RALGPS1: variants seen among roughly 807,000 people sequenced by gnomAD.
RALGPS1 encodes Ral GEF with PH domain and SH3 binding motif 1.
Under a neutral mutation model 78.8 loss-of-function variants are expected in RALGPS1, and 19 were observed. The ratio of observed to expected loss-of-function variants is 0.24; its 90% CI spans 0.17 to 0.35. The LOEUF (loss-of-function observed/expected upper bound fraction) is 0.35, where lower values mean the gene tolerates loss of function less well. RALGPS1 is among the 10% of genes least tolerant of loss of function. The pLI is 1.00. For missense variants in RALGPS1, 454 were observed against 688.3 expected, an observed-to-expected ratio of 0.66 and a Z score of 3.81; for synonymous variants, 228 against 256.3, an observed-to-expected ratio of 0.89 and a Z score of 1.06.
Position 127,219,258 on chromosome 9 carries a change from C to CGTGT in RALGPS1, c.*503_*506dup, listed in dbSNP as rs142327423. On this transcript the variant is annotated 3_prime_UTR_variant, in exon 19 of 19. Coordinates refer to ENST00000259351, the MANE Select transcript of RALGPS1 (RefSeq NM_014636.3). This position sits in a 1 kb window ranked among gnomAD's most constrained non-coding sequence, Gnocchi z 5.0. ...GCGTCCTCTGCGTGTGCGTGCTGTA[C>CGTGT]GTGTGTGTGTGTGTGTGAGCGAGTG... The CGTGT allele has an allele frequency of 2.7e-5, 5 of 186,464 alleles. No individual in the cohort carries two copies. The highest frequency in any genetic ancestry group is 1.1e-4 in the Admixed American group (2 of 18,238). The allele number at this position is 186,464 out of a possible 1,614,324, so 11.6% of individuals were successfully genotyped here. A position where few individuals can be genotyped will look rare whatever the true frequency, so the allele number is the denominator to read the frequency against.
chr9:127,108,316 A>G (rs2054445105), intron 8 of RALGPS1: 5 of 1,613,692 alleles, frequency 3.1e-6, no homozygotes, highest in East Asian at 2.2e-5. Flanking sequence ...CAGGAGCTGC[A>G]TGTAGAGCTG....
Position 127,219,971 on chromosome 9 carries a change from T to C in RALGPS1, c.*1202T>C, listed in dbSNP as rs1269413806. 1.3e-5 allele frequency: 2 copies of C among 152,560 alleles called. No individual in the cohort carries two copies. The highest frequency in any genetic ancestry group is 1.5e-5 in the Non-Finnish European group (1 of 68,036). The allele number at this position is 152,560 out of a possible 1,614,324, so 9.5% of individuals were successfully genotyped here. On this transcript the variant is annotated 3_prime_UTR_variant, in exon 19 of 19. Transcript: ENST00000259351. The surrounding 1 kb of genome is among the most constrained non-coding windows in gnomAD (Gnocchi z 5.0). ...GACAATAGAGCGAAGCCCCGGGGAG[T>C]GAACGGTCCAACCTCTGCATTCAGT...
intron 11 of RALGPS1, among the ~76,000 whole-genome samples, chr9:127,192,123 G>A (rs1456463347): frequency 6.6e-6 from 1 of 152,226 alleles, no homozygotes; most frequent in Non-Finnish European, 1.5e-5. Flanking sequence ...TTATGAAGCT[G>A]TGCTTGGGTT....
chr9:127,162,554 G>C (rs1310531331), intron 8 of RALGPS1, among the ~76,000 whole-genome samples: 1 of 152,138 alleles, frequency 6.6e-6, no homozygotes, highest in Non-Finnish European at 1.5e-5. Flanking sequence ...CTAGGCTCAA[G>C]GTCTCCCCAC....
chr9:126,972,976 C>T (rs557321719), intron 3 of RALGPS1, among the ~76,000 whole-genome samples: 14 of 151,290 alleles, frequency 9.3e-5, no homozygotes, highest in African/African-American at 2.9e-4. Flanking sequence ...GCAGGAGAAT[C>T]GCTTGAACCC....
rs536745230 is a variant in RALGPS1, at chr9:127,021,849, A to G, written c.217-12582A>G. 4.6e-5 allele frequency among the ~76,000 whole-genome samples: 7 copies of G among 152,164 alleles called. No homozygotes were observed. In the South Asian group the frequency reaches 1.5e-3, roughly 32 times the overall value. Reference sequence around the variant, plus strand: ...GCTCTTTCTCTGTCACGTGGACAGGAGACTGCTCACAGGGTTGCAGTTGGC... The same window carrying G: ...GCTCTTTCTCTGTCACGTGGACAGGGGACTGCTCACAGGGTTGCAGTTGGC... On this transcript the variant is annotated intron_variant, in intron 4 of 18. Coordinates refer to ENST00000259351, the MANE Select transcript of RALGPS1 (RefSeq NM_014636.3).
At position 127,220,116 on chromosome 9, in the gene RALGPS1, C is replaced by G. The variant is rs1411053977; in HGVS notation, c.*1347C>G. The G allele has an allele frequency of 6.6e-6, 1 of 152,544 alleles. No individual in the cohort carries two copies. Among genetic ancestry groups the G allele is most frequent in the African/African-American group, 2.4e-5 (1 of 41,454 alleles). 9.4% of individuals were successfully genotyped at this position (152,544 alleles called of 1,614,324 possible). On this transcript the variant is annotated 3_prime_UTR_variant, in exon 19 of 19. Coordinates refer to ENST00000259351, the MANE Select transcript of RALGPS1 (RefSeq NM_014636.3). ...AATAAATCACTCTTTATCATAGTATCTTCTCTTCCCTCTTCCCCTTTAGTT... is the reference window on the plus strand; with the variant it reads ...AATAAATCACTCTTTATCATAGTATGTTCTCTTCCCTCTTCCCCTTTAGTT...
At chr9:127,050,925 A>G (rs1431018588) in intron 6 of RALGPS1, among the ~76,000 whole-genome samples, 2 of 152,154 alleles carry the variant, frequency 1.3e-5, no homozygotes, top group Non-Finnish European at 2.9e-5. Flanking sequence ...CACCTGCTTT[A>G]CTGACCTCAT....
chr9:126,976,414 A>G (rs1344914176), intron 3 of RALGPS1, among the ~76,000 whole-genome samples: 1 of 126,412 alleles, frequency 7.9e-6, no homozygotes, highest in Admixed American at 7.9e-5. Flanking sequence ...CACACACACC[A>G]TATACTCACA....
intron 8 of RALGPS1, among the ~76,000 whole-genome samples, chr9:127,139,143 C>T (rs773248962): frequency 1.3e-5 from 2 of 152,170 alleles, no homozygotes; most frequent in Non-Finnish European, 2.9e-5. Context: ...CTGGGCTCGC[C>T]CTGCCTCAGA....
intron 7 of RALGPS1, 42 bp downstream of exon 7, chr9:127,052,981 T>G: frequency 7.4e-7 from 1 of 1,346,102 alleles, no homozygotes. Flanking sequence ...TGGCTATCAT[T>G]TCATTGGTGA....
At chr9:126,947,517 A>G (rs1184667664) in intron 1 of RALGPS1, among the ~76,000 whole-genome samples, 1 of 152,196 alleles carries the variant, frequency 6.6e-6, no homozygotes, top group Admixed American at 6.5e-5. Context: ...TTCTGGTCCC[A>G]AGCATTTCGA....
intron 10 of RALGPS1, among the ~76,000 whole-genome samples, chr9:127,174,319 A>G (rs1378456737): frequency 6.6e-6 from 1 of 151,978 alleles, no homozygotes; most frequent in East Asian, 1.9e-4. Context: ...GAAAGAAAAA[A>G]AAAGAAAAGA....
chr9:127,213,726 A>G (rs1341469987), intron 17 of RALGPS1: 1 of 152,482 alleles, frequency 6.6e-6, no homozygotes, highest in South Asian at 2.1e-4. Flanking sequence ...ATCCCCACGC[A>G]TTTTCACACC....
rs140919844 is a variant in RALGPS1 at position 127,133,325 on chromosome 9, C to G, written c.611-32744C>G. On this transcript the variant is annotated intron_variant, in intron 8 of 18. Coordinates refer to ENST00000259351, the MANE Select transcript of RALGPS1 (RefSeq NM_014636.3). Reference sequence around the variant, plus strand: ...GAGTGAGAGTGGGTAAAGAAAGATCCTCAGGCTTCTGACACTGGAAACCCC... The same window carrying G: ...GAGTGAGAGTGGGTAAAGAAAGATCGTCAGGCTTCTGACACTGGAAACCCC... 6.9e-4 allele frequency among the ~76,000 whole-genome samples: 105 copies of G among 152,358 alleles called. 2 individuals are homozygous for G. Among genetic ancestry groups the G allele is most frequent in the African/African-American group, 2.5e-3 (103 of 41,584 alleles).
intron 8 of RALGPS1, among the ~76,000 whole-genome samples, chr9:127,125,512 G>A (rs964661728): frequency 3.3e-5 from 5 of 152,212 alleles, no homozygotes; most frequent in African/African-American, 1.2e-4. Flanking sequence ...TTACTGTGAG[G>A]ATTGAGTAAG....
chr9:127,023,680 G>C (rs1036642189), intron 4 of RALGPS1, among the ~76,000 whole-genome samples: 1 of 152,108 alleles, frequency 6.6e-6, no homozygotes, highest in African/African-American at 2.4e-5. Flanking sequence ...TCTCCTGTAG[G>C]ACAGGTGTGT....
intron 8 of RALGPS1, among the ~76,000 whole-genome samples, chr9:127,128,786 T>C (rs1434690425): frequency 2.6e-5 from 4 of 152,224 alleles, no homozygotes; most frequent in Non-Finnish European, 5.9e-5. Flanking sequence ...GACTTGGACT[T>C]GTGGGACGAT....
chr9:127,025,521 A>G (rs1056939741), intron 4 of RALGPS1, among the ~76,000 whole-genome samples: 2 of 152,162 alleles, frequency 1.3e-5, no homozygotes, highest in Non-Finnish European at 2.9e-5. Context: ...CTGATCCTCC[A>G]TAGCACCTGG....
Sources: gnomAD v4.1 joint callset for allele counts (sites outside exome capture counted in the v4.1 genomes callset) on GRCh38, gnomAD v4.1.1 for gene constraint, Gnocchi (gnomAD v3.1) non-coding constraint, MANE v1.5 for transcripts, NCBI Gene and HGNC (gene_info 2026-07-23, HGNC 2026-07-21) for gene names.